Variants in RGS8 observed in about 807,000 individuals in gnomAD.
The protein encoded by RGS8 is regulator of G-protein signaling 8.
Under a neutral mutation model 21.7 loss-of-function variants are expected in RGS8, and 8 were observed. The observed-to-expected ratio is 0.37, with a 90% confidence interval of 0.22 to 0.66. The LOEUF (loss-of-function observed/expected upper bound fraction) is 0.66, where lower values mean the gene tolerates loss of function less well. Among genes scored for constraint, RGS8 ranks in the 30% least tolerant of loss-of-function variants. The probability of loss-of-function intolerance (pLI) is 0.59; values close to 1 mark genes in which losing one functional copy is unlikely to be tolerated. For synonymous variants in RGS8, 80 were observed against 83.6 expected (o/e 0.96, Z 0.24); for missense variants, 157 against 217.9 (o/e 0.72, Z 1.76).
At chr1:182,736,574 A>G in the RGS8 span, among the ~76,000 whole-genome samples, 2 of 152,348 alleles carry the variant, frequency 1.3e-5, no homozygotes, top group Non-Finnish European at 2.9e-5. Flanking sequence ...ACCCTGGGAC[A>G]TAAAACCACA....
the RGS8 span, among the ~76,000 whole-genome samples, chr1:182,720,791 A>ATG: frequency 1.3e-5 from 2 of 150,378 alleles, no homozygotes; most frequent in Non-Finnish European, 1.5e-5. Context: ...TTATAATTAT[A>ATG]TGTGTGTGTG....
chr1:182,705,367 T>G, the RGS8 span, among the ~76,000 whole-genome samples: 1 of 152,320 alleles, frequency 6.6e-6, no homozygotes, highest in East Asian at 1.9e-4. Flanking sequence ...CTCAATGCAG[T>G]GGATGCTGTC....
chr1:182,668,700 G>A (rs1663996701), intron 3 of RGS8, among the ~76,000 whole-genome samples: 2 of 152,196 alleles, frequency 1.3e-5, no homozygotes, highest in African/African-American at 4.8e-5. Context: ...AGGCCGCATT[G>A]TGAAGCCATC....
intron 4 of RGS8, 35 bp downstream of exon 5, chr1:182,666,837 T>C (rs1663887742): frequency 6.7e-7 from 1 of 1,498,424 alleles, no homozygotes; most frequent in Admixed American, 1.7e-5. Context: ...ACTTGCTGTA[T>C]TACCCAGGGA....
At chr1:182,721,072 C>A in the RGS8 span, among the ~76,000 whole-genome samples, 1 of 66,930 alleles carries the variant, frequency 1.5e-5, no homozygotes, top group Non-Finnish European at 3.1e-5. Flanking sequence ...TGTATATATA[C>A]ATATATACAC....
At chr1:182,663,862 G>T (rs1237431390) in intron 5 of RGS8, among the ~76,000 whole-genome samples, 2 of 151,972 alleles carry the variant, frequency 1.3e-5, no homozygotes, top group Admixed American at 1.3e-4. Flanking sequence ...TTAGAGATGG[G>T]GTCTTGCCAT....
chr1:182,722,036 G>T, the RGS8 span, among the ~76,000 whole-genome samples: 1 of 152,176 alleles, frequency 6.6e-6, no homozygotes, highest in Non-Finnish European at 1.5e-5. Context: ...CTGTGTTTTA[G>T]GACATAGAGC....
chr1:182,702,577 A>C, the RGS8 span, among the ~76,000 whole-genome samples: 1 of 152,218 alleles, frequency 6.6e-6, no homozygotes, highest in Non-Finnish European at 1.5e-5. Flanking sequence ...TGTGTCATAC[A>C]CTTGTTGGCA....
At chr1:182,692,235 C>T in the RGS8 span, among the ~76,000 whole-genome samples, 1 of 152,052 alleles carries the variant, frequency 6.6e-6, no homozygotes, top group Non-Finnish European at 1.5e-5. Flanking sequence ...GAACCCCTGA[C>T]CTCGTGATCT....
the RGS8 span, among the ~76,000 whole-genome samples, chr1:182,737,582 T>G: frequency 6.6e-6 from 1 of 152,216 alleles, no homozygotes; most frequent in African/African-American, 2.4e-5. Flanking sequence ...ATGTAAGACG[T>G]GCTTTTGCTC....
chr1:182,717,707 A>G, the RGS8 span, among the ~76,000 whole-genome samples: 14 of 152,072 alleles, frequency 9.2e-5, no homozygotes, highest in Non-Finnish European at 1.8e-4. Flanking sequence ...CTAAAATTAC[A>G]ATGTCAGTTT....
rs1298105235 is a variant in RGS8, at chr1:182,656,250, T to C, written c.194-7947A>G. ...GGAGCCACCCTCCTCTCTCCTCTGG[T>C]GACAGCTGGCAGGCCTCCAAAGGAG... is the stretch of plus-strand genomic sequence containing the variant. On this transcript the variant is annotated intron_variant, in intron 5 of 6. Coordinates refer to ENST00000483095, the Ensembl canonical transcript of RGS8. 2.0e-5 allele frequency among the ~76,000 whole-genome samples: 3 copies of C among 152,242 alleles called. No homozygotes were observed. The East Asian group carries it at 5.8e-4, about 29-fold the overall frequency.
At chr1:182,691,401 C>T in the RGS8 span, among the ~76,000 whole-genome samples, 1 of 152,022 alleles carries the variant, frequency 6.6e-6, no homozygotes. Context: ...AGAAAGTTTA[C>T]TTGTGAGAAT....
rs397863359 is a variant in RGS8 at position 182,683,627 on chromosome 1, C to CAA, written n.221+727_221+728dup. Among the ~76,000 whole-genome samples the CAA allele has an allele frequency of 6.6e-3, 397 of 59,882 alleles. 1 individual carries two copies. The highest frequency in any genetic ancestry group is 0.023 in the East Asian group (58 of 2,556). The allele number at this position is 59,882 out of a possible 152,430, so 39.3% of individuals were successfully genotyped here. A position where few individuals can be genotyped will look rare whatever the true frequency, so the allele number is the denominator to read the frequency against. On this transcript the variant is annotated intron_variant and non_coding_transcript_variant, in intron 1 of 4. Coordinates refer to the RGS8 transcript ENST00000515211. ...GAAGAGCAACCCTCTTCCCAGTGCTCAAAAAAAAAAAAAAAAAAAAAAAGT... is the reference window on the plus strand; with the variant it reads ...GAAGAGCAACCCTCTTCCCAGTGCTCAAAAAAAAAAAAAAAAAAAAAAAAAGT...
chr1:182,733,992 C>G, the RGS8 span, among the ~76,000 whole-genome samples: 1 of 151,932 alleles, frequency 6.6e-6, no homozygotes, highest in African/African-American at 2.4e-5. Flanking sequence ...ATGATCTCGG[C>G]TCGCTGCAAC....
the RGS8 span, among the ~76,000 whole-genome samples, chr1:182,697,906 T>C: frequency 6.6e-6 from 1 of 152,206 alleles, no homozygotes; most frequent in Non-Finnish European, 1.5e-5. Flanking sequence ...ACTAGAATGA[T>C]TTAAACTGAA....
intron 5 of RGS8, among the ~76,000 whole-genome samples, chr1:182,652,691 A>G (rs138618377): frequency 6.6e-6 from 1 of 152,356 alleles, no homozygotes; most frequent in Non-Finnish European, 1.5e-5. Flanking sequence ...AGTTTGAGCC[A>G]AGAAAACATA....
At chr1:182,731,435 T>C in the RGS8 span, among the ~76,000 whole-genome samples, 101,177 of 152,100 alleles carry the variant, frequency 0.67, 34,539 homozygotes, top group African/African-American at 0.83. Context: ...GCCCATCCTA[T>C]CCCAAGGAAA....
intron 1 of RGS8, among the ~76,000 whole-genome samples, chr1:182,680,686 C>T (rs1371036330): frequency 6.6e-6 from 1 of 152,202 alleles, no homozygotes; most frequent in African/African-American, 2.4e-5. Context: ...AGCAAGGTCC[C>T]AGGCATGGGT....
Sources: gnomAD v4.1 joint callset for allele counts (sites outside exome capture counted in the v4.1 genomes callset) on GRCh38, gnomAD v4.1.1 for gene constraint, MANE v1.5 for transcripts, NCBI Gene and HGNC (gene_info 2026-07-23, HGNC 2026-07-21) for gene names.